Variants in PCSK5 observed in about 807,000 individuals in gnomAD.
PCSK5 encodes the protein prohormone convertase 5.
A neutral mutation model predicts 233.2 loss-of-function variants in PCSK5; 129 were observed. The ratio of observed to expected loss-of-function variants is 0.55; its 90% CI spans 0.48 to 0.64. PCSK5 has a LOEUF of 0.64. Among genes scored for constraint, PCSK5 ranks in the 30% least tolerant of loss-of-function variants. The pLI, the probability that PCSK5 is intolerant of heterozygous loss-of-function variation, is 0.00. For missense variants in PCSK5, 2,076 were observed against 2,430.1 expected (o/e 0.85, Z 3.06); for synonymous variants, 825 against 879.2 (o/e 0.94, Z 1.09).
intron 8 of PCSK5, among the ~76,000 whole-genome samples, chr9:76,098,060 G>A (rs1249428690): frequency 6.6e-6 from 1 of 152,154 alleles, no homozygotes; most frequent in Non-Finnish European, 1.5e-5. Flanking sequence ...CCTCCTTTGT[G>A]CAAGTCTTAA....
chr9:76,014,577 G>A (rs1439910538), intron 3 of PCSK5, among the ~76,000 whole-genome samples: 1 of 152,150 alleles, frequency 6.6e-6, no homozygotes, highest in East Asian at 1.9e-4. Flanking sequence ...GTCATGCCTT[G>A]TGTTATTCCA....
Position 76,314,790 on chromosome 9 carries a change from C to A in PCSK5, c.3884+3939C>A, listed in dbSNP as rs541989127. Among the ~76,000 whole-genome samples, 26 of 151,956 alleles carry A rather than the reference C, an allele frequency of 1.7e-4. No homozygotes were observed. The South Asian group carries it at 5.4e-3, about 32-fold the overall frequency. ...TAGCTGGGATTACAGGCGCATGCCACCACACCTGGCTTATATTTTTTTCTA... is the reference window on the plus strand; with the variant it reads ...TAGCTGGGATTACAGGCGCATGCCAACACACCTGGCTTATATTTTTTTCTA... On this transcript the variant is annotated intron_variant, in intron 30 of 37. Transcript: ENST00000674117.
intron 12 of PCSK5, among the ~76,000 whole-genome samples, chr9:76,159,926 G>A (rs962614842): frequency 6.7e-6 from 1 of 149,578 alleles, no homozygotes; most frequent in Non-Finnish European, 1.5e-5. Flanking sequence ...AGGTTCAAGC[G>A]ATTCCCCTAC....
chr9:76,024,831 G>C (rs1828350489), intron 4 of PCSK5, among the ~76,000 whole-genome samples: 1 of 152,150 alleles, frequency 6.6e-6, no homozygotes, highest in Non-Finnish European at 1.5e-5. Flanking sequence ...TCAAAGACTT[G>C]GGTTCCCTCC....
chr9:76,309,152 A>T (rs1042063286), intron 29 of PCSK5, among the ~76,000 whole-genome samples: 2 of 152,130 alleles, frequency 1.3e-5, no homozygotes, highest in African/African-American at 4.8e-5. Context: ...CAGGAGGTCA[A>T]GGCTGCAGTG....
intron 7 of PCSK5, among the ~76,000 whole-genome samples, chr9:76,075,118 G>C (rs941759258): frequency 1.3e-5 from 2 of 152,122 alleles, no homozygotes; most frequent in African/African-American, 4.8e-5. Context: ...TACTCAAGAG[G>C]CTGAGGCAGG....
intron 1 of PCSK5, among the ~76,000 whole-genome samples, chr9:75,903,817 G>C (rs1000307883): frequency 6.6e-6 from 1 of 151,408 alleles, no homozygotes; most frequent in African/African-American, 2.4e-5. Context: ...TACAGAGCAG[G>C]GAGGGGAGAT....
chr9:76,165,148 G>A (rs1036309281), intron 12 of PCSK5, among the ~76,000 whole-genome samples: 1 of 152,034 alleles, frequency 6.6e-6, no homozygotes, highest in Non-Finnish European at 1.5e-5. Flanking sequence ...CTACAGTGGA[G>A]CCAAATGAGT....
At chr9:76,183,158 G>A (rs1346153844) in intron 16 of PCSK5, among the ~76,000 whole-genome samples, 1 of 152,204 alleles carries the variant, frequency 6.6e-6, no homozygotes, top group Non-Finnish European at 1.5e-5. Context: ...GGAAGGTTGA[G>A]CCTTGAAAAA....
rs1425766746 is a variant in PCSK5 at position 76,298,989 on chromosome 9, C to T, written c.3523+2124C>T. 2.6e-5 allele frequency among the ~76,000 whole-genome samples: 4 copies of T among 152,320 alleles called. No homozygotes were observed. The East Asian group carries it at 7.7e-4, about 29-fold the overall frequency. ...AGATCCTGTTTGCGTCTGAAGACTA[C>T]AACCAACCCCATGAGCATCTATCAG... On this transcript the variant is annotated intron_variant, in intron 27 of 37. Transcript: ENST00000674117.
chr9:76,110,277 A>C (rs562504662), intron 9 of PCSK5, among the ~76,000 whole-genome samples: 1 of 152,326 alleles, frequency 6.6e-6, no homozygotes, highest in South Asian at 2.1e-4. Context: ...TTTGAATGAA[A>C]AGCTGCAAGA....
chr9:76,338,534 C>G lies in PCSK5; in HGVS notation c.4966+87C>G, dbSNP rs1172736148. 6 of 922,084 alleles carry G rather than the reference C, an allele frequency of 6.5e-6. No homozygotes were observed. In the African/African-American group the frequency reaches 9.8e-5, roughly 15 times the overall value. 57.1% of individuals were successfully genotyped at this position (922,084 alleles called of 1,614,324 possible). The stretch of plus-strand genomic sequence containing the variant: ...TTTGCCCCTTTCTCTCTTCTCACCA[C>G]CTGGGAGGTTCCTCTTGCTTCCCTA... On this transcript the variant is annotated intron_variant, in intron 35 of 37. Transcript: ENST00000674117.
At chr9:76,135,988 A>C (rs546699451) in intron 10 of PCSK5, among the ~76,000 whole-genome samples, 2 of 152,188 alleles carry the variant, frequency 1.3e-5, no homozygotes, top group Admixed American at 1.3e-4. Flanking sequence ...CCAAACCTGA[A>C]TCTAAAGGGG....
chr9:75,932,170 T>C (rs1823837832), intron 1 of PCSK5, among the ~76,000 whole-genome samples: 1 of 152,226 alleles, frequency 6.6e-6, no homozygotes, highest in Non-Finnish European at 1.5e-5. Flanking sequence ...AGTCACTGCC[T>C]CAAGGACACT....
intron 10 of PCSK5, among the ~76,000 whole-genome samples, chr9:76,135,016 A>C (rs184584528): frequency 6.6e-6 from 1 of 152,188 alleles, no homozygotes; most frequent in Non-Finnish European, 1.5e-5. Context: ...TACAGACTTA[A>C]AACATATTCC....
intron 24 of PCSK5, among the ~76,000 whole-genome samples, chr9:76,259,506 C>T (rs1395311994): frequency 6.6e-6 from 1 of 151,238 alleles, no homozygotes; most frequent in Non-Finnish European, 1.5e-5. Flanking sequence ...AGTCATCCTA[C>T]TTTAATTCTA....
intron 5 of PCSK5, among the ~76,000 whole-genome samples, chr9:76,050,263 G>T (rs1298671151): frequency 1.3e-5 from 2 of 152,058 alleles, no homozygotes; most frequent in Admixed American, 6.6e-5. Context: ...TTGAAACATG[G>T]TCTGTTTCCA....
chr9:75,934,657 C>T (rs1212998659), intron 2 of PCSK5, among the ~76,000 whole-genome samples: 1 of 151,916 alleles, frequency 6.6e-6, no homozygotes, highest in Non-Finnish European at 1.5e-5. Context: ...TCTCAGCTCA[C>T]TACAACCTCC....
chr9:76,151,072 A>G (rs1353378480), intron 10 of PCSK5, among the ~76,000 whole-genome samples: 1 of 151,082 alleles, frequency 6.6e-6, no homozygotes, highest in Non-Finnish European at 1.5e-5. Context: ...CAACTTGGGA[A>G]AGCGTCCCAG....
Sources: gnomAD v4.1 joint callset for allele counts (sites outside exome capture counted in the v4.1 genomes callset) on GRCh38, gnomAD v4.1.1 for gene constraint, MANE v1.5 for transcripts, NCBI Gene and HGNC (gene_info 2026-07-23, HGNC 2026-07-21) for gene names.